The following CADM2 variants were observed in gnomAD, a reference collection of about 807,000 sequenced individuals.
CADM2 encodes immunoglobulin superfamily member 4D.
Under a neutral mutation model 49.8 loss-of-function variants are expected in CADM2, and 12 were observed. The observed-to-expected ratio is 0.24, with a 90% confidence interval of 0.15 to 0.39. The LOEUF (loss-of-function observed/expected upper bound fraction) is 0.39, where lower values mean the gene tolerates loss of function less well. Among genes scored for constraint, CADM2 ranks in the 10% least tolerant of loss-of-function variants. The probability of loss-of-function intolerance (pLI) is 1.00; values close to 1 mark genes in which losing one functional copy is unlikely to be tolerated. For synonymous variants in CADM2, 214 were observed against 175.4 expected (o/e 1.22, Z -1.74); for missense variants, 378 against 492.3 (o/e 0.77, Z 2.20).
intron 1 of CADM2, among the ~76,000 whole-genome samples, chr3:85,550,808 C>T (rs1185565439): frequency 2.6e-5 from 4 of 152,066 alleles, no homozygotes; most frequent in Admixed American, 6.6e-5. Context: ...GAACTAGGCT[C>T]TCCTTTGCAC....
intron 1 of CADM2, among the ~76,000 whole-genome samples, chr3:85,288,650 T>C (rs748626542): frequency 3.5e-4 from 53 of 152,062 alleles, no homozygotes; most frequent in Non-Finnish European, 6.5e-4. Context: ...ATACCTGATC[T>C]GTAGGTGCAC....
chr3:85,500,596 C>A (rs1288462443), intron 1 of CADM2, among the ~76,000 whole-genome samples: 1 of 151,704 alleles, frequency 6.6e-6, no homozygotes, highest in Non-Finnish European at 1.5e-5. Flanking sequence ...CAGCTCACTG[C>A]AAGCTCCCTC....
chr3:85,532,828 T>TA (rs1194292913), intron 1 of CADM2, among the ~76,000 whole-genome samples: 3 of 152,088 alleles, frequency 2.0e-5, no homozygotes, highest in Non-Finnish European at 4.4e-5. Flanking sequence ...TATGCAGCCA[T>TA]AAAAAATGAG....
At chr3:85,420,481 C>T (rs2036118900) in intron 1 of CADM2, among the ~76,000 whole-genome samples, 3 of 152,118 alleles carry the variant, frequency 2.0e-5, no homozygotes, top group African/African-American at 7.2e-5. Context: ...TGTAGAATTT[C>T]TATTTGTATG....
At chr3:85,686,727 C>T (rs372671800) in intron 1 of CADM2, among the ~76,000 whole-genome samples, 1 of 152,100 alleles carries the variant, frequency 6.6e-6, no homozygotes, top group African/African-American at 2.4e-5. Context: ...AAACCTGCCC[C>T]CCATTCTATT....
chr3:85,028,315 T>G (rs1253477677), intron 1 of CADM2, among the ~76,000 whole-genome samples: 1 of 152,180 alleles, frequency 6.6e-6, no homozygotes, highest in Non-Finnish European at 1.5e-5. Context: ...GACTGTGACC[T>G]TCTCCCTAAA....
chr3:85,212,288 G>A (rs995032269), intron 1 of CADM2, among the ~76,000 whole-genome samples: 4 of 152,098 alleles, frequency 2.6e-5, no homozygotes, highest in African/African-American at 4.8e-5. Flanking sequence ...TTATTGATAA[G>A]TAAGGACATA....
At chr3:85,534,624 C>CT (rs2061387350) in intron 1 of CADM2, among the ~76,000 whole-genome samples, 4 of 152,168 alleles carry the variant, frequency 2.6e-5, no homozygotes, top group Admixed American at 2.0e-4. Flanking sequence ...CCCACAAAAT[C>CT]TAAAATATTT....
intron 6 of CADM2, among the ~76,000 whole-genome samples, chr3:85,919,089 G>A (rs1267138041): frequency 6.6e-6 from 1 of 151,928 alleles, no homozygotes; most frequent in Non-Finnish European, 1.5e-5. Flanking sequence ...TCCTGAAAAA[G>A]CATTTTAATA....
At chr3:84,999,884 C>T (rs184217208) in intron 1 of CADM2, among the ~76,000 whole-genome samples, 100 of 152,144 alleles carry the variant, frequency 6.6e-4, no homozygotes, top group African/African-American at 2.3e-3. Flanking sequence ...TCTATGGAGG[C>T]TCTGAATTCT....
intron 1 of CADM2, among the ~76,000 whole-genome samples, chr3:85,114,424 C>G (rs1293633018): frequency 6.6e-6 from 1 of 152,038 alleles, no homozygotes; most frequent in Non-Finnish European, 1.5e-5. Flanking sequence ...ACCTGGCCTA[C>G]CCAGGTCATT....
At chr3:85,476,821 T>C (rs974337186) in intron 1 of CADM2, among the ~76,000 whole-genome samples, 1 of 151,864 alleles carries the variant, frequency 6.6e-6, no homozygotes, top group African/African-American at 2.4e-5. Context: ...GTCATTAATC[T>C]ATCTTCCTAC....
intron 5 of CADM2, among the ~76,000 whole-genome samples, chr3:85,897,370 C>T (rs1437889549): frequency 6.9e-6 from 1 of 145,056 alleles, no homozygotes; most frequent in Non-Finnish European, 1.5e-5. Flanking sequence ...CCCGGGTTCA[C>T]GCCATTCTCC....
chr3:85,048,094 A>T (rs2035737021), intron 1 of CADM2, among the ~76,000 whole-genome samples: 2 of 152,276 alleles, frequency 1.3e-5, no homozygotes, highest in South Asian at 4.1e-4. Flanking sequence ...AGGAACTCCC[A>T]ATTTATTGCA....
chr3:85,848,741 G>A (rs1308000130), intron 3 of CADM2, among the ~76,000 whole-genome samples: 7 of 152,074 alleles, frequency 4.6e-5, no homozygotes, highest in Admixed American at 2.6e-4. Context: ...TTTAAGAAAC[G>A]CATACAACAG....
At chr3:85,808,275 G>A (rs561684727) in intron 3 of CADM2, among the ~76,000 whole-genome samples, 83 of 152,256 alleles carry the variant, frequency 5.5e-4, no homozygotes, top group African/African-American at 2.0e-3. Flanking sequence ...ATGTAGCTAA[G>A]GCAACATTCA....
intron 1 of CADM2, among the ~76,000 whole-genome samples, chr3:85,312,157 C>T (rs2044360228): frequency 6.6e-6 from 1 of 151,918 alleles, no homozygotes; most frequent in Non-Finnish European, 1.5e-5. Context: ...TGACAATCCC[C>T]ACGTTAGAAT....
chr3:85,761,616 C>T (rs2069385969), intron 2 of CADM2, among the ~76,000 whole-genome samples: 1 of 151,764 alleles, frequency 6.6e-6, no homozygotes, highest in South Asian at 2.1e-4. Flanking sequence ...ACCTCGTGAT[C>T]CACCCACCTC....
intron 3 of CADM2, among the ~76,000 whole-genome samples, chr3:85,813,758 G>C (rs936734600): frequency 6.6e-6 from 1 of 151,550 alleles, no homozygotes; most frequent in Non-Finnish European, 1.5e-5. Flanking sequence ...TCTGTATATG[G>C]CTAGTCAGTT....
Sources: gnomAD v4.1 joint callset for allele counts (sites outside exome capture counted in the v4.1 genomes callset) on GRCh38, gnomAD v4.1.1 for gene constraint, MANE v1.5 for transcripts, NCBI Gene and HGNC (gene_info 2026-07-23, HGNC 2026-07-21) for gene names.